Variants in MCHR2 observed in about 807,000 individuals in gnomAD.
MCHR2 encodes the protein melanin concentrating hormone receptor 2.
In MCHR2, 15 loss-of-function variants were observed where a neutral mutation model predicts 24.8. The observed-to-expected ratio is 0.60, with a 90% CI of 0.40 to 0.93. The LOEUF (loss-of-function observed/expected upper bound fraction) is 0.93. MCHR2 is among the 40% of genes least tolerant of loss of function. MCHR2 has a pLI of 0.00. For synonymous variants in MCHR2, 151 were observed against 147.6 expected, an observed-to-expected ratio of 1.02 and a Z score of -0.17; for missense variants, 386 against 408.7, an observed-to-expected ratio of 0.94 and a Z score of 0.48.
intron 1 of MCHR2, among the ~76,000 whole-genome samples, chr6:99,971,634 G>C (rs1341100622): frequency 2.0e-5 from 3 of 152,068 alleles, no homozygotes; most frequent in Non-Finnish European, 4.4e-5. Flanking sequence ...TCCCTGTCTT[G>C]TGCCAGTTTT....
Position 99,919,417 on chromosome 6 carries a change from T to C in MCHR2, c.*1523A>G, listed in dbSNP as rs1275900959. Among the ~76,000 whole-genome samples, 1 of 152,184 alleles carries C rather than the reference T, an allele frequency of 6.6e-6. No individual in the cohort carries two copies. Among genetic ancestry groups the C allele is most frequent in the African/African-American group, 2.4e-5 (1 of 41,450 alleles). On this transcript the variant is annotated 3_prime_UTR_variant, in exon 6 of 6. Coordinates refer to ENST00000281806, the MANE Select transcript of MCHR2 (RefSeq NM_001040179.2). ...AAATGGAGATCAGATATAAAAATGG[T>C]TAACTCTTTTTCTAGAAGGGGCTGG...
chr6:99,988,401 A>G (rs563896778), intron 1 of MCHR2, among the ~76,000 whole-genome samples: 1 of 152,302 alleles, frequency 6.6e-6, no homozygotes, highest in African/African-American at 2.4e-5. Flanking sequence ...GCCAGAAAGG[A>G]CCATCCCTTC....
intron 5 of MCHR2, among the ~76,000 whole-genome samples, chr6:99,931,716 C>A (rs1399127136): frequency 1.3e-5 from 2 of 152,162 alleles, no homozygotes; most frequent in Non-Finnish European, 2.9e-5. Flanking sequence ...GTGGGAGTGA[C>A]CCGATTTTCC....
chr6:99,943,977 T>G (rs1774828012), intron 3 of MCHR2, among the ~76,000 whole-genome samples: 1 of 152,132 alleles, frequency 6.6e-6, no homozygotes, highest in Non-Finnish European at 1.5e-5. Flanking sequence ...TTCAGGCACA[T>G]AGAACAAACA....
At chr6:99,928,254 G>T (rs983585030) in intron 5 of MCHR2, among the ~76,000 whole-genome samples, 1 of 152,170 alleles carries the variant, frequency 6.6e-6, no homozygotes, top group African/African-American at 2.4e-5. Context: ...TTTTATTGAG[G>T]ATTTTTGCAT....
At position 99,937,193 on chromosome 6, in the gene MCHR2, A is replaced by T. The variant is rs149515189; in HGVS notation, c.588-2676T>A. Among the ~76,000 whole-genome samples, 202 of 151,890 alleles carry T rather than the reference A, an allele frequency of 1.3e-3. 1 individual carries two copies. Among genetic ancestry groups the T allele is most frequent in the Admixed American group, 4.8e-3 (73 of 15,228 alleles). The stretch of plus-strand genomic sequence containing the variant: ...TTTTTCCTTTCCAATTTGAATGCCC[A>T]TTATTTCTTTCTCTTGCCTAATTGC... On this transcript the variant is annotated intron_variant, in intron 4 of 5. Coordinates refer to ENST00000281806, the MANE Select transcript of MCHR2 (RefSeq NM_001040179.2).
intron 4 of MCHR2, among the ~76,000 whole-genome samples, chr6:99,941,657 A>C (rs1272331882): frequency 6.6e-6 from 1 of 152,198 alleles, no homozygotes; most frequent in East Asian, 1.9e-4. Context: ...ACATAAGGAC[A>C]AAATGAGAAG....
chr6:99,979,082 T>C (rs1421556388), intron 1 of MCHR2, among the ~76,000 whole-genome samples: 1 of 152,218 alleles, frequency 6.6e-6, no homozygotes, highest in Non-Finnish European at 1.5e-5. Context: ...ATTTACTTCA[T>C]AGACATAATA....
In MCHR2 at chr6:99,920,806, C is replaced by A. The variant is rs1381547760; in HGVS notation, c.*134G>T. ...AGCTCATTGTATTTGCATGGTTACA[C>A]TTCTCTTCCATGCTGCTAAGAGTCA... On this transcript the variant is annotated 3_prime_UTR_variant, in exon 6 of 6. Coordinates refer to ENST00000281806, the MANE Select transcript of MCHR2 (RefSeq NM_001040179.2). 4.7e-6 allele frequency: 4 copies of A among 845,350 alleles called. No homozygotes were observed. Among genetic ancestry groups the A allele is most frequent in the Non-Finnish European group, 7.5e-6 (4 of 532,896 alleles). The allele number at this position is 845,350 out of a possible 1,614,324, so 52.4% of individuals were successfully genotyped here.
At chr6:99,941,082 A>G (rs116412619) in intron 4 of MCHR2, among the ~76,000 whole-genome samples, 75 of 151,998 alleles carry the variant, frequency 4.9e-4, no homozygotes, top group African/African-American at 1.6e-3. Flanking sequence ...AGGGAACCCA[A>G]GGTGGTGGGA....
chr6:99,988,655 A>C (rs1420265189), intron 1 of MCHR2, among the ~76,000 whole-genome samples: 2 of 151,948 alleles, frequency 1.3e-5, no homozygotes, highest in Non-Finnish European at 2.9e-5. Context: ...AGGCAAGGAA[A>C]AACGAGATAA....
chr6:99,964,858 A>G (rs72938082), intron 1 of MCHR2, among the ~76,000 whole-genome samples: 7 of 152,128 alleles, frequency 4.6e-5, no homozygotes, highest in African/African-American at 1.4e-4. Flanking sequence ...ACATGGATGG[A>G]TCTAAAATCA....
intron 5 of MCHR2, among the ~76,000 whole-genome samples, chr6:99,928,414 A>T (rs916853467): frequency 6.6e-6 from 1 of 152,042 alleles, no homozygotes; most frequent in Admixed American, 6.5e-5. Flanking sequence ...AAGGAATGGT[A>T]CCAGTTCCTC....
At chr6:99,942,850 C>G in intron 4 of MCHR2, 99 bp downstream of exon 4, 1 of 933,372 alleles carries the variant, frequency 1.1e-6, no homozygotes, top group Non-Finnish European at 1.6e-6. Flanking sequence ...AGAAGAGGAT[C>G]CATAAGGATA....
intron 1 of MCHR2, among the ~76,000 whole-genome samples, chr6:99,979,956 G>T (rs1259835235): frequency 6.6e-6 from 1 of 152,164 alleles, no homozygotes; most frequent in Non-Finnish European, 1.5e-5. Flanking sequence ...TTGGCACTTT[G>T]CTCAACTGAT....
At chr6:99,944,627 C>T (rs1028265824) in intron 3 of MCHR2, among the ~76,000 whole-genome samples, 11 of 152,044 alleles carry the variant, frequency 7.2e-5, no homozygotes, top group African/African-American at 1.7e-4. Context: ...CCATGGCTAA[C>T]GAGGGAAGGG....
At chr6:99,930,783 G>C (rs1369163681) in intron 5 of MCHR2, among the ~76,000 whole-genome samples, 1 of 152,004 alleles carries the variant, frequency 6.6e-6, no homozygotes, top group Non-Finnish European at 1.5e-5. Flanking sequence ...CCTTTGGTTT[G>C]AATTTCCTCT....
At chr6:99,928,031 G>C (rs1366334833) in intron 5 of MCHR2, among the ~76,000 whole-genome samples, 1 of 152,168 alleles carries the variant, frequency 6.6e-6, no homozygotes, top group African/African-American at 2.4e-5. Flanking sequence ...AATTTATTGA[G>C]AGTTTTTAGC....
intron 4 of MCHR2, among the ~76,000 whole-genome samples, chr6:99,937,133 TA>T (rs1774677624): frequency 6.6e-6 from 1 of 152,030 alleles, no homozygotes; most frequent in African/African-American, 2.4e-5. Context: ...TTTCTAAACA[TA>T]ATATCATGCC....
Sources: allele counts gnomAD v4.1 joint callset (sites outside exome capture counted in the v4.1 genomes callset), GRCh38; gene constraint gnomAD v4.1.1; transcripts MANE v1.5; gene names NCBI Gene and HGNC (gene_info 2026-07-23, HGNC 2026-07-21).